The following NCK2 variants were observed in gnomAD, a reference collection of about 807,000 sequenced individuals.
NCK2 encodes cytoplasmic protein NCK2.
Under a neutral mutation model 33.9 loss-of-function variants are expected in NCK2, and 16 were observed. The ratio of observed to expected loss-of-function variants is 0.47; its 90% CI spans 0.32 to 0.72. The LOEUF is 0.72. NCK2 is among the 30% of genes least tolerant of loss of function. NCK2 has a pLI of 0.03. For synonymous variants in NCK2, 273 were observed against 239.9 expected, an observed-to-expected ratio of 1.14 and a Z score of -1.27; for missense variants, 418 against 537.3, an observed-to-expected ratio of 0.78 and a Z score of 2.19.
rs148651991 is a variant in NCK2 at position 105,810,294 on chromosome 2, T to C, written c.-200-6136T>C. Among the ~76,000 whole-genome samples the C allele has an allele frequency of 7.7e-3, 1,170 of 152,184 alleles. 7 individuals carry two copies. Among genetic ancestry groups the C allele is most frequent in the Admixed American group, 0.012 (183 of 15,294 alleles). On this transcript the variant is annotated intron_variant, in intron 1 of 4. Transcript: ENST00000233154. ...TTCTGGCCCGCTTCTTAAGATGCTA[T>C]TTGAAAAAAACAAAAGTGTGTGTGT...
chr2:105,783,382 T>A (rs1690564729), intron 1 of NCK2, among the ~76,000 whole-genome samples: 2 of 152,162 alleles, frequency 1.3e-5, no homozygotes, highest in Admixed American at 1.3e-4. Context: ...CATTAAATTG[T>A]GCCCGTGTTC....
chr2:105,835,406 C>CGTATATATATATAT (rs1676377148), intron 2 of NCK2, among the ~76,000 whole-genome samples: 1 of 24,246 alleles, frequency 4.1e-5, no homozygotes, highest in Non-Finnish European at 8.8e-5. Flanking sequence ...TATATATATA[C>CGTATATATATATAT]GTGTATATAT....
intron 2 of NCK2, among the ~76,000 whole-genome samples, chr2:105,846,189 G>A (rs1159849638): frequency 6.6e-6 from 1 of 152,128 alleles, no homozygotes; most frequent in Non-Finnish European, 1.5e-5. Flanking sequence ...TGTAGCTGGA[G>A]TGGTAAATTA....
At chr2:105,819,888 A>AT (rs1309020795) in intron 2 of NCK2, among the ~76,000 whole-genome samples, 1 of 151,796 alleles carries the variant, frequency 6.6e-6, no homozygotes, top group Non-Finnish European at 1.5e-5. Flanking sequence ...ATTTTGGGCT[A>AT]TTTTTCTTGC....
At chr2:105,780,606 C>T (rs1690460749) in intron 1 of NCK2, among the ~76,000 whole-genome samples, 1 of 152,170 alleles carries the variant, frequency 6.6e-6, no homozygotes, top group East Asian at 1.9e-4. Flanking sequence ...CCAGTCAGAG[C>T]CCCTGGTCAC....
chr2:105,761,012 C>A (rs1290096468), intron 1 of NCK2, among the ~76,000 whole-genome samples: 5 of 152,188 alleles, frequency 3.3e-5, no homozygotes, highest in African/African-American at 7.2e-5. Context: ...CATCCTGCTT[C>A]CGCCTGAGGA....
At chr2:105,807,471 C>T (rs1004382823) in intron 1 of NCK2, among the ~76,000 whole-genome samples, 54 of 152,142 alleles carry the variant, frequency 3.5e-4, no homozygotes, top group African/African-American at 1.3e-3. Flanking sequence ...TAGTAGCATA[C>T]AGCTGATATC....
chr2:105,855,987 A>G (rs1397325370), intron 3 of NCK2, among the ~76,000 whole-genome samples: 1 of 152,024 alleles, frequency 6.6e-6, no homozygotes, highest in African/African-American at 2.4e-5. Flanking sequence ...GGCACCCACC[A>G]CCACATCCGG....
intron 1 of NCK2, among the ~76,000 whole-genome samples, chr2:105,775,684 C>T (rs1690275426): frequency 1.3e-5 from 2 of 152,122 alleles, no homozygotes. Context: ...TGAAAATTAG[C>T]TTCCTTTTTG....
rs961042348 is a variant in NCK2, at chr2:105,816,250, G to A, written c.-200-180G>A. ...GAGCTCAGGAGGTGCAAGTTGCCGT[G>A]AAGTAAGATCGTACAACCACACTCC... is the stretch of plus-strand genomic sequence containing the variant. On this transcript the variant is annotated intron_variant, in intron 1 of 4. Transcript: ENST00000233154. Among the ~76,000 whole-genome samples, 7 of 152,184 alleles carry A rather than the reference G, an allele frequency of 4.6e-5. No individual in the cohort carries two copies. The South Asian group carries it at 1.2e-3, about 27-fold the overall frequency.
At chr2:105,795,668 G>C (rs1239902035) in intron 1 of NCK2, among the ~76,000 whole-genome samples, 1 of 152,186 alleles carries the variant, frequency 6.6e-6, no homozygotes, top group Non-Finnish European at 1.5e-5. Context: ...CACCAATTTA[G>C]GCAGGGTGTG....
At chr2:105,840,629 G>C (rs574720537) in intron 2 of NCK2, among the ~76,000 whole-genome samples, 8 of 152,308 alleles carry the variant, frequency 5.3e-5, no homozygotes, top group African/African-American at 1.9e-4. Context: ...CCAGTTGCAC[G>C]TCCCAGGTTG....
rs367654743 is a variant in NCK2 at position 105,818,162 on chromosome 2, G to A, written c.-17+1549G>A. On this transcript the variant is annotated intron_variant, in intron 2 of 4. Transcript: ENST00000233154. ...ATGAAGCTGGAAACCATCATTCTCA[G>A]CAAACTATCGCAAGGACAAAAAACC... Among the ~76,000 whole-genome samples the A allele has an allele frequency of 2.4e-3, 367 of 151,338 alleles. 13 individuals carry two copies. In the East Asian group the frequency reaches 0.066, roughly 27 times the overall value.
chr2:105,756,198 T>C (rs1342318869), intron 1 of NCK2, among the ~76,000 whole-genome samples: 1 of 152,262 alleles, frequency 6.6e-6, no homozygotes. Flanking sequence ...TTGTTTAAAT[T>C]ATTTCCTGTT....
At chr2:105,787,532 C>T (rs1300587070) in intron 1 of NCK2, among the ~76,000 whole-genome samples, 2 of 152,166 alleles carry the variant, frequency 1.3e-5, no homozygotes, top group South Asian at 2.1e-4. Flanking sequence ...TCTGCTGGCA[C>T]TTGGATCCTG....
chr2:105,858,020 T>G (rs1250460301), intron 3 of NCK2, among the ~76,000 whole-genome samples: 2 of 151,662 alleles, frequency 1.3e-5, no homozygotes, highest in African/African-American at 4.8e-5. Flanking sequence ...GTGTTTGTGT[T>G]TTGTTTTTTG....
At chr2:105,795,600 G>T (rs991511173) in intron 1 of NCK2, among the ~76,000 whole-genome samples, 1 of 152,190 alleles carries the variant, frequency 6.6e-6, no homozygotes, top group South Asian at 2.1e-4. Context: ...CTCAGCCAGG[G>T]TGATTTCATT....
At chr2:105,818,307 T>G (rs938282109) in intron 2 of NCK2, among the ~76,000 whole-genome samples, 3 of 124,958 alleles carry the variant, frequency 2.4e-5, no homozygotes, top group Admixed American at 8.1e-5. Flanking sequence ...AGGGATAGCA[T>G]TAGGAGATAT....
At chr2:105,799,917 A>C (rs1573607203) in intron 1 of NCK2, among the ~76,000 whole-genome samples, 1 of 152,176 alleles carries the variant, frequency 6.6e-6, no homozygotes, top group East Asian at 1.9e-4. Flanking sequence ...TAACAGTGAG[A>C]GAAACACTCA....
Sources: allele counts gnomAD v4.1 joint callset (sites outside exome capture counted in the v4.1 genomes callset), GRCh38; gene constraint gnomAD v4.1.1; transcripts MANE v1.5; gene names NCBI Gene and HGNC (gene_info 2026-07-23, HGNC 2026-07-21).